NTRK2: variants seen among roughly 807,000 people sequenced by gnomAD.
The protein encoded by NTRK2 is neurotrophic receptor tyrosine kinase 2.
NTRK2 carries 13 observed loss-of-function variants against 94.5 expected under a neutral mutation model. The observed-to-expected ratio is 0.14, with a 90% CI of 0.09 to 0.22. The LOEUF (loss-of-function observed/expected upper bound fraction) is 0.22, where lower values mean the gene tolerates loss of function less well. NTRK2 is among the 10% of genes least tolerant of loss of function. The pLI, the probability that NTRK2 is intolerant of heterozygous loss-of-function variation, is 1.00. For synonymous variants in NTRK2, 372 were observed against 407.4 expected, an observed-to-expected ratio of 0.91 and a Z score of 1.05; for missense variants, 639 against 1,071.2, an observed-to-expected ratio of 0.60 and a Z score of 5.63.
At chr9:84,948,043 G>A (rs2078658857) in intron 15 of NTRK2, among the ~76,000 whole-genome samples, 1 of 152,196 alleles carries the variant, frequency 6.6e-6, no homozygotes, top group South Asian at 2.1e-4. Context: ...AGCTGGAGAT[G>A]GGTCCACAAA....
At chr9:84,967,900 C>G (rs1179995510) in intron 17 of NTRK2, among the ~76,000 whole-genome samples, 1 of 152,198 alleles carries the variant, frequency 6.6e-6, no homozygotes, top group Non-Finnish European at 1.5e-5. Flanking sequence ...TGGCTTTTTT[C>G]TGCAGCTACC....
chr9:84,882,606 T>C (rs1257187724), intron 14 of NTRK2, among the ~76,000 whole-genome samples: 2 of 152,098 alleles, frequency 1.3e-5, no homozygotes, highest in East Asian at 1.9e-4. Context: ...CTTAACCCCA[T>C]GTCCGGTAGC....
At chr9:84,798,767 A>C (rs960693021) in intron 12 of NTRK2, among the ~76,000 whole-genome samples, 10 of 152,098 alleles carry the variant, frequency 6.6e-5, no homozygotes, top group African/African-American at 2.2e-4. Flanking sequence ...GTCCTAACAA[A>C]GTAGATCTGT....
chr9:84,680,990 G>A (rs967371471), intron 2 of NTRK2, among the ~76,000 whole-genome samples: 18 of 151,884 alleles, frequency 1.2e-4, no homozygotes, highest in Non-Finnish European at 2.5e-4. Flanking sequence ...TTTATTTGTC[G>A]GTTCCCTTTT....
intron 14 of NTRK2, among the ~76,000 whole-genome samples, chr9:84,909,482 T>C (rs1225884515): frequency 1.3e-5 from 2 of 152,018 alleles, no homozygotes; most frequent in Non-Finnish European, 2.9e-5. Flanking sequence ...TTAGTTTTAG[T>C]TGTTTTTTTT....
chr9:84,760,262 A>G (rs2065433007), intron 12 of NTRK2, among the ~76,000 whole-genome samples: 1 of 152,192 alleles, frequency 6.6e-6, no homozygotes, highest in African/African-American at 2.4e-5. Context: ...TCTTCAGGTG[A>G]TTATAAGAAT....
intron 9 of NTRK2, among the ~76,000 whole-genome samples, chr9:84,739,467 T>C (rs1177771642): frequency 1.3e-5 from 2 of 152,234 alleles, no homozygotes; most frequent in Non-Finnish European, 2.9e-5. Flanking sequence ...TGGATCTTCC[T>C]AGGGGCTTCG....
chr9:84,871,886 G>A (rs2132114900), intron 14 of NTRK2: 1 of 1,613,028 alleles, frequency 6.2e-7, no homozygotes, highest in Non-Finnish European at 8.5e-7. Flanking sequence ...CATGCCTGAT[G>A]GAGGAGAAGA....
At position 84,723,427 on chromosome 9, in the gene NTRK2, C is replaced by T; in HGVS notation, c.584-146C>T. On this transcript the variant is annotated intron_variant, in intron 6 of 18. Coordinates refer to ENST00000277120, the MANE Select transcript of NTRK2 (RefSeq NM_006180.6). ...AGATCTATGAAGCTGATCAAAGTAG[C>T]ACTTTTTCAGATCAACAGAAATCAG... 4.5e-6 allele frequency: 4 copies of T among 890,696 alleles called. No homozygotes were observed. In the South Asian group the frequency reaches 6.1e-5, roughly 13 times the overall value. The allele number at this position is 890,696 out of a possible 1,614,324, so 55.2% of individuals were successfully genotyped here. A position where few individuals can be genotyped will look rare whatever the true frequency, so the allele number is the denominator to read the frequency against.
chr9:84,786,399 A>G (rs12552902), intron 12 of NTRK2, among the ~76,000 whole-genome samples: 12,816 of 152,196 alleles, frequency 0.084, 949 homozygotes, highest in African/African-American at 0.19. Context: ...GGTGAGTGGC[A>G]ATACCAGGAT....
intron 12 of NTRK2, among the ~76,000 whole-genome samples, chr9:84,788,568 C>T (rs1040519270): frequency 6.6e-6 from 1 of 152,124 alleles, no homozygotes; most frequent in Non-Finnish European, 1.5e-5. Context: ...GATGTAGAGG[C>T]CAAGAGTCTC....
At chr9:84,929,562 C>CT (rs559071090) in intron 14 of NTRK2, among the ~76,000 whole-genome samples, 6,121 of 142,960 alleles carry the variant, frequency 0.043, 155 homozygotes, top group Admixed American at 0.07. Flanking sequence ...AGTTTGGTTC[C>CT]TTTTTTTTTT....
intron 12 of NTRK2, chr9:84,810,706 T>A: frequency 6.3e-7 from 1 of 1,575,086 alleles, no homozygotes; most frequent in Non-Finnish European, 8.6e-7. Context: ...GGTTTTCTGG[T>A]AGATGTGGGC....
At chr9:84,934,394 TG>T in intron 15 of NTRK2, 102 bp downstream of exon 15, 9 of 1,251,030 alleles carry the variant, frequency 7.2e-6, no homozygotes, top group Non-Finnish European at 9.2e-6. Flanking sequence ...AGGAGTAAAT[TG>T]TTCCTGCTAT....
chr9:84,826,237 C>A (rs2073180204), intron 12 of NTRK2, among the ~76,000 whole-genome samples: 1 of 152,076 alleles, frequency 6.6e-6, no homozygotes, highest in Non-Finnish European at 1.5e-5. Flanking sequence ...TTTTGGAGGA[C>A]CTGAGGGTCT....
chr9:84,997,853 C>A (rs571907603), intron 17 of NTRK2, among the ~76,000 whole-genome samples: 23 of 152,332 alleles, frequency 1.5e-4, no homozygotes, highest in Admixed American at 4.6e-4. Context: ...AACCCCCTCG[C>A]TGTGGCAGAT....
At chr9:84,813,200 C>A in intron 12 of NTRK2, 2 of 1,049,460 alleles carry the variant, frequency 1.9e-6, no homozygotes, top group Non-Finnish European at 2.3e-6. Flanking sequence ...CCTAAATGAA[C>A]AGAATGATCT....
intron 2 of NTRK2, among the ~76,000 whole-genome samples, chr9:84,687,596 C>T (rs2059795894): frequency 2.6e-5 from 4 of 152,168 alleles, no homozygotes; most frequent in Admixed American, 2.6e-4. Context: ...TGTATCTATA[C>T]ACATACAGTT....
At chr9:84,876,374 G>T in intron 14 of NTRK2, 8 of 1,052,766 alleles carry the variant, frequency 7.6e-6, no homozygotes, top group Non-Finnish European at 9.2e-6. Context: ...TTTCCTACAG[G>T]AATGATTACT....
Sources: gnomAD v4.1 joint callset for allele counts (sites outside exome capture counted in the v4.1 genomes callset) on GRCh38, gnomAD v4.1.1 for gene constraint, MANE v1.5 for transcripts, NCBI Gene and HGNC (gene_info 2026-07-23, HGNC 2026-07-21) for gene names.